Variants in DPP10 observed in about 807,000 individuals in gnomAD.
The protein encoded by DPP10 is dipeptidyl peptidase like 10, also known as inactive dipeptidyl peptidase 10.
A neutral mutation model predicts 120.9 loss-of-function variants in DPP10; 33 were observed. The ratio of observed to expected loss-of-function variants is 0.27; its 90% CI spans 0.21 to 0.37. The LOEUF is 0.37. Among genes scored for constraint, DPP10 ranks in the 10% least tolerant of loss-of-function variants. DPP10 has a pLI of 1.00. For missense variants in DPP10, 816 were observed against 942.8 expected (o/e 0.87, Z 1.76); for synonymous variants, 337 against 326.1 (o/e 1.03, Z -0.36).
intron 1 of DPP10, among the ~76,000 whole-genome samples, chr2:114,725,060 A>G (rs994146715): frequency 1.3e-5 from 2 of 152,154 alleles, no homozygotes; most frequent in African/African-American, 4.8e-5. Flanking sequence ...ATTCCTGTCA[A>G]ACAACTTCGT....
intron 1 of DPP10, among the ~76,000 whole-genome samples, chr2:114,777,334 T>C (rs1022939611): frequency 2.0e-5 from 3 of 152,126 alleles, no homozygotes; most frequent in Non-Finnish European, 4.4e-5. Context: ...TGCCCATGGA[T>C]TTTGCACTGT....
chr2:114,734,215 C>T (rs2105955980), intron 1 of DPP10, among the ~76,000 whole-genome samples: 1 of 152,222 alleles, frequency 6.6e-6, no homozygotes, highest in South Asian at 2.1e-4. Context: ...TGTTTTCCTT[C>T]CTTCCTTCCC....
At chr2:115,075,992 G>A (rs923381291) in intron 1 of DPP10, among the ~76,000 whole-genome samples, 4 of 152,180 alleles carry the variant, frequency 2.6e-5, no homozygotes, top group Middle Eastern at 3.4e-3. Context: ...ATCGAAAGAC[G>A]TGGGTTTTCA....
At chr2:114,520,882 A>G (rs527939753) in intron 1 of DPP10, among the ~76,000 whole-genome samples, 230 of 152,298 alleles carry the variant, frequency 1.5e-3, no homozygotes, top group Middle Eastern at 3.4e-3. Flanking sequence ...AATAGAAAAA[A>G]TGTGGCTGAT....
At chr2:115,374,720 C>T (rs1027202928) in intron 3 of DPP10, among the ~76,000 whole-genome samples, 8 of 152,234 alleles carry the variant, frequency 5.3e-5, no homozygotes, top group African/African-American at 1.4e-4. Flanking sequence ...GTCTTCTGCA[C>T]ACCTGCAGGC....
intron 1 of DPP10, among the ~76,000 whole-genome samples, chr2:114,603,856 C>G (rs866336719): frequency 6.6e-6 from 1 of 151,940 alleles, no homozygotes; most frequent in Admixed American, 6.6e-5. Context: ...CCCAGATCAC[C>G]CACCAGATTT....
At chr2:115,412,434 C>T (rs1050088923) in intron 3 of DPP10, among the ~76,000 whole-genome samples, 2 of 152,088 alleles carry the variant, frequency 1.3e-5, no homozygotes, top group Non-Finnish European at 2.9e-5. Flanking sequence ...CTAAGAAGAG[C>T]AGATATTGAA....
chr2:115,503,898 G>C (rs753612457), intron 4 of DPP10, among the ~76,000 whole-genome samples: 17 of 152,002 alleles, frequency 1.1e-4, no homozygotes, highest in African/African-American at 4.1e-4. Context: ...TACACTTAAC[G>C]CAACCAGAAA....
chr2:115,230,580 C>T (rs955259533), intron 1 of DPP10, among the ~76,000 whole-genome samples: 3 of 151,894 alleles, frequency 2.0e-5, no homozygotes, highest in Non-Finnish European at 4.4e-5. Flanking sequence ...TGTAGACTTT[C>T]TAATTGAAGA....
At chr2:115,355,537 C>T (rs1306271478) in intron 3 of DPP10, among the ~76,000 whole-genome samples, 1 of 152,100 alleles carries the variant, frequency 6.6e-6, no homozygotes, top group Non-Finnish European at 1.5e-5. Flanking sequence ...GTTTCTTTTG[C>T]TGTGCAGATT....
rs117156476 is a variant in DPP10 at position 114,455,958 on chromosome 2, G to T, written c.60+13120G>T. On this transcript the variant is annotated intron_variant, in intron 1 of 25. Transcript: ENST00000410059. ...TTGACTCCTTATGTCATGGAGGCAA[G>T]CCCGTTGCATCACACCACATGGCAA... is the stretch of plus-strand genomic sequence containing the variant. Among the ~76,000 whole-genome samples the T allele has an allele frequency of 2.5e-3, 378 of 152,302 alleles. 15 individuals carry two copies. In the East Asian group the frequency reaches 0.059, roughly 24 times the overall value.
chr2:115,368,547 A>C (rs1392075070), intron 3 of DPP10, among the ~76,000 whole-genome samples: 6 of 152,130 alleles, frequency 3.9e-5, no homozygotes, highest in Admixed American at 1.3e-4. Context: ...ACTTATCCTT[A>C]ATTGTCTTCA....
intron 4 of DPP10, among the ~76,000 whole-genome samples, chr2:115,519,920 A>G (rs1475622103): frequency 6.6e-6 from 1 of 152,202 alleles, no homozygotes; most frequent in African/African-American, 2.4e-5. Context: ...TTCAAAATTA[A>G]CATCTTTCCA....
chr2:114,818,049 C>T (rs1685782192), intron 1 of DPP10, among the ~76,000 whole-genome samples: 1 of 152,046 alleles, frequency 6.6e-6, no homozygotes, highest in South Asian at 2.1e-4. Flanking sequence ...TAAGGATAAT[C>T]TTTTGCCTGG....
Position 115,045,392 on chromosome 2 carries a change from G to A in DPP10, c.61-263847G>A, listed in dbSNP as rs185456798. Among the ~76,000 whole-genome samples, 112 of 152,148 alleles carry A rather than the reference G, an allele frequency of 7.4e-4. 1 individual carries two copies. Among genetic ancestry groups the A allele is most frequent in the African/African-American group, 2.7e-3 (110 of 41,494 alleles). On this transcript the variant is annotated intron_variant, in intron 1 of 25. Coordinates refer to ENST00000410059, the MANE Select transcript of DPP10 (RefSeq NM_020868.6). ...GAGTTTGCTTATTAAATATCTTGAG[G>A]TAATCTTATTTGGGTTAAATATCAG... is the stretch of plus-strand genomic sequence containing the variant.
At chr2:115,544,734 C>G (rs975307108) in intron 5 of DPP10, among the ~76,000 whole-genome samples, 2 of 152,012 alleles carry the variant, frequency 1.3e-5, no homozygotes, top group Non-Finnish European at 2.9e-5. Flanking sequence ...ATATGGCATT[C>G]AAGCATATCC....
intron 1 of DPP10, among the ~76,000 whole-genome samples, chr2:115,278,094 T>C (rs1310075548): frequency 6.6e-6 from 1 of 152,212 alleles, no homozygotes; most frequent in African/African-American, 2.4e-5. Flanking sequence ...GCATTTCTAC[T>C]TACGCTATTC....
intron 5 of DPP10, among the ~76,000 whole-genome samples, chr2:115,672,638 T>TTCTG: frequency 6.7e-6 from 1 of 148,342 alleles, no homozygotes; most frequent in East Asian, 2.0e-4. Context: ...CTTTCTTTCT[T>TTCTG]TCTTTCTCTC....
chr2:115,528,317 C>A (rs2078255963), intron 5 of DPP10, among the ~76,000 whole-genome samples: 1 of 151,214 alleles, frequency 6.6e-6, no homozygotes, highest in Admixed American at 6.6e-5. Flanking sequence ...ATGTAACAAA[C>A]CTGCACATTG....
Sources: gnomAD v4.1 joint callset for allele counts (sites outside exome capture counted in the v4.1 genomes callset) on GRCh38, gnomAD v4.1.1 for gene constraint, MANE v1.5 for transcripts, NCBI Gene and HGNC (gene_info 2026-07-23, HGNC 2026-07-21) for gene names.